Variants in ATXN1 observed in about 807,000 individuals in gnomAD.
ATXN1 encodes the protein ataxin 1, also known as ataxin-1.
Under a neutral mutation model 56.4 loss-of-function variants are expected in ATXN1, and 8 were observed. The observed-to-expected ratio is 0.14, with a 90% CI of 0.08 to 0.26. ATXN1 has a LOEUF of 0.26. ATXN1 is among the 10% of genes least tolerant of loss of function. The pLI, the probability that ATXN1 is intolerant of heterozygous loss-of-function variation, is 1.00. For synonymous variants in ATXN1, 514 were observed against 494.6 expected, an observed-to-expected ratio of 1.04 and a Z score of -0.52; for missense variants, 987 against 1,106.5, an observed-to-expected ratio of 0.89 and a Z score of 1.53.
Position 16,306,206 on chromosome 6 carries a change from G to A in ATXN1, c.*123C>T. 1 of 1,241,134 alleles carries A rather than the reference G, an allele frequency of 8.1e-7. No individual in the cohort carries two copies. The allele number at this position is 1,241,134 out of a possible 1,614,324, so 76.9% of individuals were successfully genotyped here. On this transcript the variant is annotated 3_prime_UTR_variant, in exon 8 of 8. Coordinates refer to ENST00000436367, the MANE Select transcript of ATXN1 (RefSeq NM_001128164.2). The surrounding 1 kb of genome is among the most constrained non-coding windows in gnomAD (Gnocchi z 5.2). ...CACCTGCTGTAACTCTAATGACAAGGTTAGAACAGAAACCTAAAATTAAGA... is the reference window on the plus strand; with the variant it reads ...CACCTGCTGTAACTCTAATGACAAGATTAGAACAGAAACCTAAAATTAAGA...
At chr6:16,618,406 T>C (rs1398904287) in intron 3 of ATXN1, among the ~76,000 whole-genome samples, 1 of 152,184 alleles carries the variant, frequency 6.6e-6, no homozygotes, top group African/African-American at 2.4e-5. Context: ...TCTGCACGTG[T>C]ATCCCAGAAC....
intron 4 of ATXN1, among the ~76,000 whole-genome samples, chr6:16,533,889 C>T (rs1761549386): frequency 6.6e-6 from 1 of 152,106 alleles, no homozygotes; most frequent in Admixed American, 6.5e-5. Flanking sequence ...TAGCACTATT[C>T]CCTGGATTAC....
rs376080964 is a variant in ATXN1, at chr6:16,373,720, C to A, written c.-160-45250G>T. On this transcript the variant is annotated intron_variant, in intron 6 of 7. Coordinates refer to ENST00000436367, the MANE Select transcript of ATXN1 (RefSeq NM_001128164.2). ...TTTGATTGCCTCTCATTTTCTCTTGCCTGCTGCCATGTAAGACATGCCTTT... is the reference window on the plus strand; with the variant it reads ...TTTGATTGCCTCTCATTTTCTCTTGACTGCTGCCATGTAAGACATGCCTTT... Among the ~76,000 whole-genome samples the A allele has an allele frequency of 2.8e-4, 42 of 152,342 alleles. 1 individual carries two copies. In the South Asian group the frequency reaches 8.7e-3, roughly 32 times the overall value.
intron 4 of ATXN1, among the ~76,000 whole-genome samples, chr6:16,571,369 A>T (rs1762328380): frequency 6.6e-6 from 1 of 152,232 alleles, no homozygotes; most frequent in Non-Finnish European, 1.5e-5. Context: ...TTATTCTGCC[A>T]ATGTGAACAT....
chr6:16,664,876 A>G (rs1276734970), intron 2 of ATXN1, among the ~76,000 whole-genome samples: 1 of 152,200 alleles, frequency 6.6e-6, no homozygotes, highest in African/African-American at 2.4e-5. Flanking sequence ...ATTGAGAAAA[A>G]TGTAAAATAT....
intron 5 of ATXN1, among the ~76,000 whole-genome samples, chr6:16,495,794 C>T (rs1465085776): frequency 1.3e-5 from 2 of 150,716 alleles, no homozygotes; most frequent in Non-Finnish European, 2.9e-5. Flanking sequence ...ACCCAGGAAG[C>T]GGAGGTTGCA....
chr6:16,638,261 T>C (rs1233670752), intron 3 of ATXN1, among the ~76,000 whole-genome samples: 2 of 149,440 alleles, frequency 1.3e-5, no homozygotes, highest in Non-Finnish European at 3.0e-5. Context: ...CTGGGCAACA[T>C]AGTGAGACCC....
chr6:16,621,634 C>G (rs996680158), intron 3 of ATXN1, among the ~76,000 whole-genome samples: 1 of 152,000 alleles, frequency 6.6e-6, no homozygotes, highest in Non-Finnish European at 1.5e-5. Context: ...GGCTTGAACC[C>G]GGGAGGCAAT....
chr6:16,547,452 G>C (rs1388792032), intron 4 of ATXN1, among the ~76,000 whole-genome samples: 2 of 152,180 alleles, frequency 1.3e-5, no homozygotes, highest in South Asian at 2.1e-4. Flanking sequence ...CTGTGCACCA[G>C]GCGTCAGAGA....
chr6:16,318,335 G>C (rs1271821696), intron 7 of ATXN1, among the ~76,000 whole-genome samples: 1 of 152,164 alleles, frequency 6.6e-6, no homozygotes, highest in African/African-American at 2.4e-5. Flanking sequence ...CTAGGTTTCA[G>C]TAAGTATGTC....
chr6:16,562,382 A>AG (rs1397884368), intron 4 of ATXN1, among the ~76,000 whole-genome samples: 3 of 150,480 alleles, frequency 2.0e-5, no homozygotes, highest in African/African-American at 7.4e-5. Context: ...CAAAAAAAAA[A>AG]AAAAAGAAGA....
At chr6:16,463,060 G>A (rs561651683) in intron 6 of ATXN1, among the ~76,000 whole-genome samples, 136 of 152,078 alleles carry the variant, frequency 8.9e-4, no homozygotes, top group Non-Finnish European at 1.6e-3. Flanking sequence ...ATACAAAACA[G>A]TTTTTTCTCC....
At chr6:16,482,730 T>G (rs1032382927) in intron 6 of ATXN1, among the ~76,000 whole-genome samples, 15 of 152,198 alleles carry the variant, frequency 9.9e-5, no homozygotes, top group Admixed American at 5.2e-4. Context: ...ACCTTTGAAT[T>G]GTCATATGGT....
chr6:16,482,865 A>G (rs1171437845), intron 6 of ATXN1, among the ~76,000 whole-genome samples: 1 of 152,198 alleles, frequency 6.6e-6, no homozygotes, highest in South Asian at 2.1e-4. Context: ...GTGCCAAATC[A>G]TTGATTTTTA....
intron 5 of ATXN1, among the ~76,000 whole-genome samples, chr6:16,490,771 G>A (rs1273139512): frequency 4.6e-5 from 7 of 152,154 alleles, no homozygotes; most frequent in Non-Finnish European, 1.0e-4. Flanking sequence ...ATGGACATAT[G>A]ACCCAGGTCT....
intron 2 of ATXN1, among the ~76,000 whole-genome samples, chr6:16,666,131 C>G (rs973336193): frequency 2.6e-5 from 4 of 152,118 alleles, no homozygotes; most frequent in African/African-American, 9.7e-5. Context: ...TCTCTTTATT[C>G]CTCCCTCCTC....
At chr6:16,490,846 G>A (rs917239843) in intron 5 of ATXN1, among the ~76,000 whole-genome samples, 3 of 152,140 alleles carry the variant, frequency 2.0e-5, no homozygotes, top group African/African-American at 7.2e-5. Flanking sequence ...ATGTACCCAA[G>A]GCAAGCCAAT....
At chr6:16,350,117 C>G (rs566518881) in intron 6 of ATXN1, among the ~76,000 whole-genome samples, 1 of 152,080 alleles carries the variant, frequency 6.6e-6, no homozygotes, top group South Asian at 2.1e-4. Flanking sequence ...TCTAAACAGG[C>G]AATAAAATAT....
At chr6:16,597,933 T>TAA (rs34273547) in intron 3 of ATXN1, among the ~76,000 whole-genome samples, 14 of 147,794 alleles carry the variant, frequency 9.5e-5, no homozygotes, top group Admixed American at 2.7e-4. Flanking sequence ...GTCTAGGATT[T>TAA]AAAAAAAAAA....
Sources: gnomAD v4.1 joint callset for allele counts (sites outside exome capture counted in the v4.1 genomes callset) on GRCh38, gnomAD v4.1.1 for gene constraint, Gnocchi (gnomAD v3.1) non-coding constraint, MANE v1.5 for transcripts, NCBI Gene and HGNC (gene_info 2026-07-23, HGNC 2026-07-21) for gene names.